MKLN1: variants seen among roughly 807,000 people sequenced by gnomAD.
The protein encoded by MKLN1 is muskelin.
Under a neutral mutation model 99.0 loss-of-function variants are expected in MKLN1, and 18 were observed. That is an observed-to-expected ratio of 0.18 (90% CI 0.13 to 0.27). The LOEUF (loss-of-function observed/expected upper bound fraction) is 0.27, where lower values mean the gene tolerates loss of function less well. Among genes scored for constraint, MKLN1 ranks in the 10% least tolerant of loss-of-function variants. MKLN1 has a pLI of 1.00. For synonymous variants in MKLN1, 288 were observed against 293.2 expected, an observed-to-expected ratio of 0.98 and a Z score of 0.18; for missense variants, 621 against 875.9, an observed-to-expected ratio of 0.71 and a Z score of 3.67.
At chr7:131,372,653 G>T (rs964366737) in intron 1 of MKLN1, among the ~76,000 whole-genome samples, 1 of 149,438 alleles carries the variant, frequency 6.7e-6, no homozygotes, top group African/African-American at 2.5e-5. Flanking sequence ...ATCCTCCATT[G>T]TTAGTTTATT....
chr7:131,129,244 C>A (rs1795512814), intron 1 of MKLN1, among the ~76,000 whole-genome samples: 1 of 152,134 alleles, frequency 6.6e-6, no homozygotes, highest in African/African-American at 2.4e-5. Flanking sequence ...GAAATAAGCA[C>A]TCTCATACCA....
intron 3 of MKLN1, among the ~76,000 whole-genome samples, chr7:131,284,091 C>G (rs1798098735): frequency 6.6e-6 from 1 of 152,116 alleles, no homozygotes; most frequent in Non-Finnish European, 1.5e-5. Flanking sequence ...AAATCATGCC[C>G]TGGTGTACGT....
chr7:131,395,789 T>C (rs1290371442), intron 4 of MKLN1, among the ~76,000 whole-genome samples: 1 of 151,832 alleles, frequency 6.6e-6, no homozygotes, highest in African/African-American at 2.4e-5. Context: ...GACATGATGT[T>C]AAATTTATAA....
intron 2 of MKLN1, among the ~76,000 whole-genome samples, chr7:131,152,499 T>TC (rs1563232572): frequency 7.6e-6 from 1 of 131,484 alleles, no homozygotes. Flanking sequence ...GTTTCTTTTT[T>TC]TCTTTTTTTT....
chr7:131,302,871 T>C (rs1436242358), intron 3 of MKLN1, among the ~76,000 whole-genome samples: 2 of 152,176 alleles, frequency 1.3e-5, no homozygotes, highest in African/African-American at 4.8e-5. Flanking sequence ...GAGGAAATTA[T>C]GGTTTGACAG....
intron 12 of MKLN1, among the ~76,000 whole-genome samples, chr7:131,452,050 T>G (rs1796194522): frequency 6.6e-6 from 1 of 152,254 alleles, no homozygotes; most frequent in Non-Finnish European, 1.5e-5. Context: ...TTACTTGTTT[T>G]GATTTTTAAA....
At chr7:131,116,043 C>G (rs533420933) in intron 1 of MKLN1, among the ~76,000 whole-genome samples, 3 of 152,152 alleles carry the variant, frequency 2.0e-5, no homozygotes, top group Non-Finnish European at 4.4e-5. Context: ...CGGTGGCTCA[C>G]GCCTGTAATC....
intron 1 of MKLN1, among the ~76,000 whole-genome samples, chr7:131,119,138 G>A (rs554636634): frequency 5.3e-5 from 8 of 152,344 alleles, no homozygotes; most frequent in South Asian, 2.1e-4. Context: ...TCCAAGATAC[G>A]ATGGGGGTAC....
intron 1 of MKLN1, among the ~76,000 whole-genome samples, chr7:131,345,060 C>G (rs933326269): frequency 2.0e-5 from 3 of 152,208 alleles, no homozygotes; most frequent in African/African-American, 7.2e-5. Context: ...CCCGCCTTGG[C>G]CTCCCAAAGT....
intron 3 of MKLN1, among the ~76,000 whole-genome samples, chr7:131,253,854 G>T (rs140942740): frequency 2.0e-5 from 3 of 152,188 alleles, no homozygotes; most frequent in Non-Finnish European, 4.4e-5. Context: ...CTCAATGTGC[G>T]CAACAAGCTA....
intron 12 of MKLN1, among the ~76,000 whole-genome samples, chr7:131,454,856 T>G (rs1796288360): frequency 6.6e-6 from 1 of 152,046 alleles, no homozygotes. Flanking sequence ...ATGCTTAGAG[T>G]TGGTATTGGC....
upstream of MKLN1, among the ~76,000 whole-genome samples, chr7:131,325,257 T>A (rs536057311): frequency 2.0e-5 from 3 of 152,138 alleles, no homozygotes; most frequent in African/African-American, 7.2e-5. Flanking sequence ...AAAATTAAAA[T>A]ATATTGTGAT....
intron 12 of MKLN1, among the ~76,000 whole-genome samples, chr7:131,446,717 T>A (rs1796028853): frequency 6.6e-6 from 1 of 152,214 alleles, no homozygotes; most frequent in South Asian, 2.1e-4. Context: ...AAAATATTTT[T>A]AAATTAAAAT....
chr7:131,243,343 G>A (rs146752166), intron 3 of MKLN1, among the ~76,000 whole-genome samples: 9 of 152,190 alleles, frequency 5.9e-5, no homozygotes, highest in South Asian at 2.1e-4. Flanking sequence ...TGTCATTTCC[G>A]CAGTCCGTAT....
intron 16 of MKLN1, among the ~76,000 whole-genome samples, chr7:131,474,038 T>C: frequency 6.6e-6 from 1 of 152,050 alleles, no homozygotes; most frequent in East Asian, 1.9e-4. Flanking sequence ...TAATCCCAGC[T>C]GATCGGGAGG....
In MKLN1 at chr7:131,418,392, A is replaced by T. The variant is rs542573837; in HGVS notation, c.847+3682A>T. Among the ~76,000 whole-genome samples the T allele has an allele frequency of 6.6e-3, 991 of 150,846 alleles. 8 individuals carry two copies. The highest frequency in any genetic ancestry group is 0.021 in the South Asian group (99 of 4,782). On this transcript the variant is annotated intron_variant, in intron 8 of 17. Transcript: ENST00000352689. ...CTCAAAAAAAAAAAAAAAAAAAAAA[A>T]GAGAGATAAATCAGGGGTGTTCAAT...
At chr7:131,225,601 A>T (rs1286808816) in intron 3 of MKLN1, among the ~76,000 whole-genome samples, 1 of 152,214 alleles carries the variant, frequency 6.6e-6, no homozygotes, top group Non-Finnish European at 1.5e-5. Context: ...GTTTGTCCTT[A>T]GGATTCAGCA....
chr7:131,380,751 G>A (rs1166803058), intron 2 of MKLN1, among the ~76,000 whole-genome samples: 1 of 152,168 alleles, frequency 6.6e-6, no homozygotes, highest in Admixed American at 6.5e-5. Flanking sequence ...TTCACTAAAT[G>A]TTGATGTGTT....
chr7:131,305,090 C>T (rs770350614), intron 3 of MKLN1, among the ~76,000 whole-genome samples: 1 of 152,126 alleles, frequency 6.6e-6, no homozygotes, highest in African/African-American at 2.4e-5. Context: ...ACTGAACCTG[C>T]GGGCGCCTTG....
Sources: gnomAD v4.1 joint callset for allele counts (sites outside exome capture counted in the v4.1 genomes callset) on GRCh38, gnomAD v4.1.1 for gene constraint, MANE v1.5 for transcripts, NCBI Gene and HGNC (gene_info 2026-07-23, HGNC 2026-07-21) for gene names.